XPR1: variants seen among roughly 807,000 people sequenced by gnomAD.
The protein encoded by XPR1 is xenotropic and polytropic retrovirus receptor 1.
A neutral mutation model predicts 87.5 loss-of-function variants in XPR1; 28 were observed. That is an observed-to-expected ratio of 0.32 (90% CI 0.24 to 0.44). The LOEUF is 0.44. Ranked by LOEUF, XPR1 falls within the 20% of genes least tolerant of loss-of-function variation. The probability of loss-of-function intolerance (pLI) is 1.00; values close to 1 mark genes in which losing one functional copy is unlikely to be tolerated. For missense variants in XPR1, 559 were observed against 862.3 expected (o/e 0.65, Z 4.41); for synonymous variants, 300 against 306.1 (o/e 0.98, Z 0.21).
intron 1 of XPR1, among the ~76,000 whole-genome samples, chr1:180,657,564 T>C (rs1655580198): frequency 6.6e-6 from 1 of 152,224 alleles, no homozygotes; most frequent in Non-Finnish European, 1.5e-5. Flanking sequence ...CTCCAATGTA[T>C]GTTCTTGGCA....
At chr1:180,645,228 CT>C (rs1655081986) in intron 1 of XPR1, among the ~76,000 whole-genome samples, 1 of 152,210 alleles carries the variant, frequency 6.6e-6, no homozygotes, top group Non-Finnish European at 1.5e-5. Flanking sequence ...CGGATCCATT[CT>C]TTCCCAGTTT....
intron 9 of XPR1, 124 bp downstream of exon 9, chr1:180,825,468 T>A: frequency 1.0e-6 from 1 of 995,104 alleles, no homozygotes. Flanking sequence ...ATAGTTTATG[T>A]GAGTGGAGGC....
intron 2 of XPR1, among the ~76,000 whole-genome samples, chr1:180,782,769 C>T (rs568879912): frequency 6.6e-5 from 10 of 151,948 alleles, no homozygotes; most frequent in East Asian, 3.9e-4. Flanking sequence ...CCATGTAGCA[C>T]GTAGTAGTCA....
At chr1:180,680,817 C>A (rs1340458014) in intron 1 of XPR1, among the ~76,000 whole-genome samples, 4 of 152,060 alleles carry the variant, frequency 2.6e-5, no homozygotes, top group Admixed American at 1.3e-4. Flanking sequence ...AGGTGTCCAA[C>A]AACAAATGAA....
At chr1:180,731,659 A>C (rs1658559438) in intron 2 of XPR1, among the ~76,000 whole-genome samples, 1 of 152,236 alleles carries the variant, frequency 6.6e-6, no homozygotes, top group Non-Finnish European at 1.5e-5. Context: ...AATTAAATTT[A>C]ATACTATTTT....
intron 1 of XPR1, among the ~76,000 whole-genome samples, chr1:180,661,487 G>A (rs1557945024): frequency 2.5e-5 from 2 of 79,066 alleles, no homozygotes; most frequent in East Asian, 3.7e-4. Flanking sequence ...GTGTGTGTGT[G>A]TGTGTGTGTG....
chr1:180,648,799 C>T (rs978186744), intron 1 of XPR1, among the ~76,000 whole-genome samples: 1 of 152,122 alleles, frequency 6.6e-6, no homozygotes, highest in Non-Finnish European at 1.5e-5. Flanking sequence ...TAAGCCACTG[C>T]GCCCAGCCAG....
intron 11 of XPR1, among the ~76,000 whole-genome samples, chr1:180,849,894 A>C (rs1651808969): frequency 6.6e-6 from 1 of 152,236 alleles, no homozygotes; most frequent in South Asian, 2.1e-4. Context: ...ATGCGTGCGC[A>C]CACCCACAAA....
chr1:180,794,054 G>T (rs12075005), intron 3 of XPR1, among the ~76,000 whole-genome samples: 11,660 of 152,120 alleles, frequency 0.077, 1,088 homozygotes, highest in African/African-American at 0.22. Flanking sequence ...GTCAGAAAAT[G>T]AAAATATAGT....
intron 2 of XPR1, among the ~76,000 whole-genome samples, chr1:180,736,216 T>G (rs116434583): frequency 2.4e-3 from 372 of 152,144 alleles, no homozygotes; most frequent in African/African-American, 8.2e-3. Context: ...ATGGGGAAGT[T>G]TTTCAAGCTG....
chr1:180,825,096 T>C (rs1650779770), intron 8 of XPR1, 69 bp from the exon 9 acceptor site: 3 of 1,523,696 alleles, frequency 2.0e-6, no homozygotes, highest in South Asian at 1.3e-5. Flanking sequence ...ATTAAAGATA[T>C]TTTAAGTAAT....
At chr1:180,882,129 A>C (rs879652571) in intron 14 of XPR1, among the ~76,000 whole-genome samples, 1 of 152,144 alleles carries the variant, frequency 6.6e-6, no homozygotes, top group Non-Finnish European at 1.5e-5. Flanking sequence ...AACATATACT[A>C]TTTCTGCTTA....
Position 180,806,100 on chromosome 1 carries a change from G to A in XPR1, c.486G>A (p.Lys162=), listed in dbSNP as rs1649976975. The change falls in exon 5 of 15, where the codon AAG becomes AAA. Residue 162 remains lysine (K), a synonymous_variant. Transcript: ENST00000367590. ...CAGGGTTTCGAAAAATCCTGAAAAAGCATGACAAGATCCTGGAAACATCTC... is the reference window on the plus strand; with the variant it reads ...CAGGGTTTCGAAAAATCCTGAAAAAACATGACAAGATCCTGGAAACATCTC... ...NFTGFRKILK[K]HDKILETSRG... is the part of the protein sequence containing the mutation. 1 of 1,613,418 alleles carries A rather than the reference G, an allele frequency of 6.2e-7. No homozygotes were observed. Among genetic ancestry groups the A allele is most frequent in the African/African-American group, 1.3e-5 (1 of 74,890 alleles).
chr1:180,783,783 G>A (rs926911199), intron 2 of XPR1, among the ~76,000 whole-genome samples: 1 of 151,996 alleles, frequency 6.6e-6, no homozygotes, highest in Admixed American at 6.6e-5. Flanking sequence ...GGCTGGGCGT[G>A]GTGGCTCAAA....
intron 2 of XPR1, among the ~76,000 whole-genome samples, chr1:180,693,650 G>T (rs931247168): frequency 2.6e-5 from 4 of 152,170 alleles, no homozygotes; most frequent in African/African-American, 9.7e-5. Context: ...AATTCTGAGA[G>T]AGTATCTGTT....
intron 2 of XPR1, among the ~76,000 whole-genome samples, chr1:180,747,560 AATG>A (rs1289042169): frequency 2.0e-5 from 3 of 152,234 alleles, no homozygotes; most frequent in East Asian, 3.8e-4. Context: ...CTCAGTGAAT[AATG>A]ATAAGTTGAT....
chr1:180,648,949 G>A (rs531034329), intron 1 of XPR1, among the ~76,000 whole-genome samples: 2 of 152,210 alleles, frequency 1.3e-5, no homozygotes, highest in Admixed American at 6.5e-5. Flanking sequence ...TTTAGTTTAT[G>A]TATGTATTTT....
At chr1:180,801,840 G>A (rs566283830) in intron 3 of XPR1, among the ~76,000 whole-genome samples, 5 of 150,580 alleles carry the variant, frequency 3.3e-5, no homozygotes, top group Non-Finnish European at 5.9e-5. Context: ...GAGTGCAGTG[G>A]CACAATCTCG....
In XPR1 at chr1:180,883,991, C is replaced by G. The variant is rs1652927866; in HGVS notation, c.2031-15C>G. The G allele has an allele frequency of 1.9e-6, 3 of 1,611,816 alleles. No homozygotes were observed. The highest frequency in any genetic ancestry group is 2.5e-6 in the Non-Finnish European group (3 of 1,179,130). On this transcript the variant is annotated splice_polypyrimidine_tract_variant and intron_variant, in intron 14 of 14. Coordinates refer to ENST00000367590, the MANE Select transcript of XPR1 (RefSeq NM_004736.4). ...TAATGGACTAAGTGCTTTTTGTCCC[C>G]CTTGTTACCACTAGATCCAAGGCTC...
Sources: allele counts gnomAD v4.1 joint callset (sites outside exome capture counted in the v4.1 genomes callset), GRCh38; gene constraint gnomAD v4.1.1; transcripts MANE v1.5; gene names NCBI Gene and HGNC (gene_info 2026-07-23, HGNC 2026-07-21).